The following WWOX variants were observed in gnomAD, a reference collection of about 807,000 sequenced individuals.
WWOX encodes the protein WW domain containing oxidoreductase.
In WWOX, 69 loss-of-function variants were observed where a neutral mutation model predicts 46.2. That is an observed-to-expected ratio of 1.49 (90% CI 1.23 to 1.82). The LOEUF (loss-of-function observed/expected upper bound fraction) is 1.82, where lower values mean the gene tolerates loss of function less well. Ranked by LOEUF, WWOX falls within the 40% of genes most tolerant of loss-of-function variation. The pLI is 0.00. For missense variants in WWOX, 919 were observed against 542.6 expected (o/e 1.69, Z -6.89); for synonymous variants, 359 against 202.6 (o/e 1.77, Z -6.56).
intron 8 of WWOX, among the ~76,000 whole-genome samples, chr16:78,560,460 T>C (rs1187897813): frequency 2.0e-5 from 3 of 152,118 alleles, no homozygotes; most frequent in Non-Finnish European, 4.4e-5. Flanking sequence ...CTGGCCAACA[T>C]GGTGAAACCC....
At chr16:78,965,813 T>C (rs891268134) in intron 8 of WWOX, among the ~76,000 whole-genome samples, 4 of 152,204 alleles carry the variant, frequency 2.6e-5, no homozygotes, top group South Asian at 2.1e-4. Context: ...TAGAGGCTTA[T>C]TGATTATTTG....
chr16:79,099,256 A>G (rs1202926571), intron 8 of WWOX, among the ~76,000 whole-genome samples: 3 of 152,252 alleles, frequency 2.0e-5, no homozygotes, highest in African/African-American at 7.2e-5. Flanking sequence ...TCTTCACACA[A>G]GAGATCAAAT....
chr16:78,920,498 C>A (rs772698618), intron 8 of WWOX, among the ~76,000 whole-genome samples: 3 of 152,184 alleles, frequency 2.0e-5, no homozygotes, highest in Non-Finnish European at 4.4e-5. Flanking sequence ...CTGCTGCCTG[C>A]ATCCCCAACC....
At chr16:78,797,366 A>AAAAAG (rs1567566702) in intron 8 of WWOX, among the ~76,000 whole-genome samples, 1 of 150,050 alleles carries the variant, frequency 6.7e-6, no homozygotes, top group African/African-American at 2.5e-5. Flanking sequence ...GGTAAAAAAA[A>AAAAAG]AAAAAAAAAA....
chr16:78,444,987 TTC>T (rs1465265826), intron 8 of WWOX, among the ~76,000 whole-genome samples: 13 of 150,988 alleles, frequency 8.6e-5, no homozygotes, highest in South Asian at 2.1e-4. Flanking sequence ...TCCATAGTTC[TTC>T]TGTGTGTGTT....
At chr16:78,952,013 A>G (rs753475712) in intron 8 of WWOX, among the ~76,000 whole-genome samples, 10 of 152,092 alleles carry the variant, frequency 6.6e-5, no homozygotes, top group Non-Finnish European at 1.3e-4. Flanking sequence ...CCTCAGATAA[A>G]CCACAGCAAT....
At chr16:78,535,213 G>A (rs1567628077) in intron 8 of WWOX, 1 of 152,214 alleles carries the variant, frequency 6.6e-6, no homozygotes, top group South Asian at 2.1e-4. Context: ...TCTGCTCAGG[G>A]AGATAAGATC....
At chr16:79,078,124 C>G (rs1216778741) in intron 8 of WWOX, 2 of 152,128 alleles carry the variant, frequency 1.3e-5, no homozygotes, top group African/African-American at 4.8e-5. Context: ...CTGGTGAAAG[C>G]TCTAGGACAT....
intron 8 of WWOX, among the ~76,000 whole-genome samples, chr16:78,639,585 G>C (rs1297343619): frequency 4.1e-5 from 1 of 24,684 alleles, no homozygotes; most frequent in East Asian, 5.8e-4. Flanking sequence ...TTTTTTTCCA[G>C]ACAGTTTCAC....
At chr16:79,198,489 C>G (rs2051284539) in intron 8 of WWOX, among the ~76,000 whole-genome samples, 1 of 152,216 alleles carries the variant, frequency 6.6e-6, no homozygotes, top group Non-Finnish European at 1.5e-5. Flanking sequence ...AAGCCCTGGC[C>G]TCCACTGCAG....
intron 8 of WWOX, among the ~76,000 whole-genome samples, chr16:78,538,326 A>T (rs1277144224): frequency 6.6e-6 from 1 of 151,522 alleles, no homozygotes; most frequent in Non-Finnish European, 1.5e-5. Flanking sequence ...AGATAGCAAT[A>T]TCTAGGCACG....
intron 8 of WWOX, among the ~76,000 whole-genome samples, chr16:79,151,454 G>T (rs1248040909): frequency 6.6e-6 from 1 of 152,210 alleles, no homozygotes; most frequent in African/African-American, 2.4e-5. Context: ...GCACTGGCTT[G>T]CATTGGCAGG....
intron 5 of WWOX, among the ~76,000 whole-genome samples, chr16:78,319,100 C>T (rs1472518746): frequency 2.0e-5 from 3 of 151,916 alleles, no homozygotes; most frequent in South Asian, 2.1e-4. Context: ...GAGAGAGAGT[C>T]GGATGAGTCA....
chr16:78,237,421 G>C (rs11640613), intron 5 of WWOX: 1 of 151,966 alleles, frequency 6.6e-6, no homozygotes, highest in East Asian at 1.9e-4. Context: ...AAGCAATTGC[G>C]TTCTTAAATG....
chr16:78,515,578 G>A (rs934049561), intron 8 of WWOX, among the ~76,000 whole-genome samples: 1 of 152,120 alleles, frequency 6.6e-6, no homozygotes, highest in Non-Finnish European at 1.5e-5. Context: ...GGAACCATCC[G>A]GGCATCACAT....
intron 4 of WWOX, among the ~76,000 whole-genome samples, chr16:78,158,033 G>T (rs2034664013): frequency 6.6e-6 from 1 of 152,338 alleles, no homozygotes; most frequent in Non-Finnish European, 1.5e-5. Flanking sequence ...CGTGACCTTA[G>T]ATCCCACAGC....
At chr16:78,271,580 T>A (rs76380999) in intron 5 of WWOX, among the ~76,000 whole-genome samples, 35,841 of 152,116 alleles carry the variant, frequency 0.24, 4,412 homozygotes, top group East Asian at 0.4. Flanking sequence ...CTTCTTCTTG[T>A]TTTCCTTATA....
intron 4 of WWOX, among the ~76,000 whole-genome samples, chr16:78,145,149 G>A (rs886236876): frequency 1.3e-5 from 2 of 152,276 alleles, no homozygotes; most frequent in Admixed American, 6.5e-5. Context: ...AGGACTGGGA[G>A]GAGATACCTG....
intron 8 of WWOX, among the ~76,000 whole-genome samples, chr16:78,661,666 C>G (rs1299246714): frequency 6.6e-6 from 1 of 150,636 alleles, no homozygotes; most frequent in Non-Finnish European, 1.5e-5. Flanking sequence ...GGTGGGGGCT[C>G]TGTGCATGGA....
Sources: gnomAD v4.1 joint callset for allele counts (sites outside exome capture counted in the v4.1 genomes callset) on GRCh38, gnomAD v4.1.1 for gene constraint, MANE v1.5 for transcripts, NCBI Gene and HGNC (gene_info 2026-07-23, HGNC 2026-07-21) for gene names.